The following SEMA6A variants were observed in gnomAD, a reference collection of about 807,000 sequenced individuals.
SEMA6A encodes the protein semaphorin-6A.
A neutral mutation model predicts 96.8 loss-of-function variants in SEMA6A; 25 were observed. The ratio of observed to expected loss-of-function variants is 0.26; its 90% CI spans 0.19 to 0.36. The LOEUF (loss-of-function observed/expected upper bound fraction) is 0.36. Ranked by LOEUF, SEMA6A falls within the 10% of genes least tolerant of loss-of-function variation. SEMA6A has a pLI of 1.00. For synonymous variants in SEMA6A, 612 were observed against 518.0 expected, an observed-to-expected ratio of 1.18 and a Z score of -2.46; for missense variants, 1,363 against 1,323.1, an observed-to-expected ratio of 1.03 and a Z score of -0.47.
intron 13 of SEMA6A, 170 bp downstream of exon 13, chr5:116,478,372 A>G (rs771651166): frequency 1.2e-6 from 1 of 807,172 alleles, no homozygotes; most frequent in Non-Finnish European, 1.9e-6. Context: ...ACACACACAC[A>G]CATTGGCAAG....
intron 1 of SEMA6A, chr5:116,554,711 A>G (rs2112891554): frequency 6.6e-6 from 1 of 152,304 alleles, no homozygotes; most frequent in East Asian, 1.9e-4. Flanking sequence ...ATACAAGCAT[A>G]TATACATATA....
At chr5:116,563,850 TA>T (rs1760917830) in intron 1 of SEMA6A, among the ~76,000 whole-genome samples, 3 of 152,324 alleles carry the variant, frequency 2.0e-5, no homozygotes, top group Admixed American at 1.3e-4. Context: ...CCCTGCCAAA[TA>T]ATCAGGGGTC....
rs186964282 is a variant in SEMA6A at position 116,447,165 on chromosome 5, G to T, written c.2541C>A (p.Ala847=). Residue 847 remains alanine (A), a synonymous_variant, in exon 19 of 19, where the codon GCC becomes GCA. Transcript: ENST00000343348. ...TGATGGTCTTATACTCCAGTGTGGCGGCCTGGTCCTCCAGCGCCATCTGGG... is the reference window on the plus strand; with the variant it reads ...TGATGGTCTTATACTCCAGTGTGGCTGCCTGGTCCTCCAGCGCCATCTGGG... ...EVAQMALEDQ[A]ATLEYKTIKE... is the part of the protein sequence containing the mutation. 3.7e-6 allele frequency: 6 copies of T among 1,613,902 alleles called. No homozygotes were observed. The highest frequency in any genetic ancestry group is 5.1e-6 in the Non-Finnish European group (6 of 1,179,910).
At chr5:116,495,609 G>C in intron 5 of SEMA6A, 95 bp from the exon 6 acceptor site, 4 of 884,142 alleles carry the variant, frequency 4.5e-6, no homozygotes, top group South Asian at 1.6e-5. Flanking sequence ...TAAGGTTAAA[G>C]TGGAGGTGGC....
chr5:116,573,531 C>T (rs1026071113), intron 1 of SEMA6A, among the ~76,000 whole-genome samples: 2 of 152,186 alleles, frequency 1.3e-5, no homozygotes, highest in African/African-American at 4.8e-5. Context: ...AGCCCGGAAC[C>T]TCTGGTGGCA....
intron 18 of SEMA6A, among the ~76,000 whole-genome samples, chr5:116,460,687 A>G (rs1254816250): frequency 6.6e-6 from 1 of 152,046 alleles, no homozygotes; most frequent in Non-Finnish European, 1.5e-5. Flanking sequence ...TTGCCTAGCA[A>G]CCCTACTCTT....
intron 1 of SEMA6A, among the ~76,000 whole-genome samples, chr5:116,510,475 G>C (rs1259149060): frequency 1.3e-5 from 2 of 152,156 alleles, no homozygotes; most frequent in African/African-American, 4.8e-5. Flanking sequence ...GGGACCTCTA[G>C]CAAGATGCTT....
At chr5:116,451,618 T>C (rs1754639709) in intron 18 of SEMA6A, among the ~76,000 whole-genome samples, 3 of 152,154 alleles carry the variant, frequency 2.0e-5, no homozygotes, top group Admixed American at 2.0e-4. Context: ...ACAGAGCTCT[T>C]AGTTGGGTAA....
chr5:116,555,417 G>C (rs254078), intron 1 of SEMA6A, among the ~76,000 whole-genome samples: 75,594 of 152,124 alleles, frequency 0.5, 21,208 homozygotes, highest in Middle Eastern at 0.68. Flanking sequence ...TGAAAGACAA[G>C]TGTTTAAACC....
chr5:116,445,534 A>G lies in SEMA6A; in HGVS notation c.*1079T>C, dbSNP rs1754123890. The G allele has an allele frequency of 6.6e-6, 1 of 152,636 alleles. No individual in the cohort carries two copies. The highest frequency in any genetic ancestry group is 2.4e-5 in the African/African-American group (1 of 41,470). 9.5% of individuals were successfully genotyped at this position (152,636 alleles called of 1,614,324 possible). ...AAAACCATGTTGGCATCAATGAGAT[A>G]TGATGTGCCATTCTAAAAGCTTTCT... On this transcript the variant is annotated 3_prime_UTR_variant, in exon 19 of 19. Transcript: ENST00000343348.
intron 1 of SEMA6A, among the ~76,000 whole-genome samples, chr5:116,572,701 C>G (rs1761272449): frequency 6.6e-6 from 1 of 152,226 alleles, no homozygotes; most frequent in Admixed American, 6.5e-5. Context: ...CATCCCTTCC[C>G]CGACTTGTCG....
intron 18 of SEMA6A, among the ~76,000 whole-genome samples, chr5:116,448,742 T>C (rs1350237939): frequency 1.6e-5 from 2 of 123,526 alleles, no homozygotes; most frequent in Non-Finnish European, 3.3e-5. Flanking sequence ...TGTGCTGATT[T>C]TGCATCACCT....
chr5:116,562,374 T>C (rs750711711), intron 1 of SEMA6A, among the ~76,000 whole-genome samples: 1 of 152,232 alleles, frequency 6.6e-6, no homozygotes, highest in Non-Finnish European at 1.5e-5. Flanking sequence ...AATTCATAAA[T>C]TGGCATTAAT....
intron 18 of SEMA6A, among the ~76,000 whole-genome samples, chr5:116,454,374 T>C (rs1383205685): frequency 6.6e-6 from 1 of 152,144 alleles, no homozygotes; most frequent in Admixed American, 6.5e-5. Flanking sequence ...GAAATCCTCA[T>C]AACAACTTGA....
chr5:116,525,235 G>A (rs1253018963), intron 1 of SEMA6A, among the ~76,000 whole-genome samples: 1 of 152,050 alleles, frequency 6.6e-6, no homozygotes, highest in African/African-American at 2.4e-5. Flanking sequence ...TATTCTAGTG[G>A]GCTTCCACCC....
chr5:116,515,361 G>C (rs1353529455), intron 1 of SEMA6A, among the ~76,000 whole-genome samples: 1 of 152,152 alleles, frequency 6.6e-6, no homozygotes, highest in African/African-American at 2.4e-5. Flanking sequence ...GGTGGGGGAA[G>C]CTCTGAAGTA....
rs72214884 is a variant in SEMA6A at position 116,536,866 on chromosome 5, T to TAAAAAAAAA, written c.-38-31893_-38-31885dup. On this transcript the variant is annotated intron_variant, in intron 1 of 18. Coordinates refer to ENST00000343348, the MANE Select transcript of SEMA6A (RefSeq NM_020796.5). ...TTTATTCAGTCCCCGTGTGATTTCT[T>TAAAAAAAAA]AAAAAAAAAAAAAAAAAAAAAAAAA... 4.5e-3 allele frequency among the ~76,000 whole-genome samples: 313 copies of TAAAAAAAAA among 69,450 alleles called. 7 individuals carry two copies. The highest frequency in any genetic ancestry group is 6.5e-3 in the African/African-American group (136 of 20,994). The allele number at this position is 69,450 out of a possible 152,430, so 45.6% of individuals were successfully genotyped here. A position where few individuals can be genotyped will look rare whatever the true frequency, so the allele number is the denominator to read the frequency against.
At chr5:116,493,968 A>G (rs750546653) in intron 6 of SEMA6A, among the ~76,000 whole-genome samples, 1 of 151,796 alleles carries the variant, frequency 6.6e-6, no homozygotes, top group Non-Finnish European at 1.5e-5. Context: ...CCCAACCCCA[A>G]TCTCACAACT....
chr5:116,511,604 G>A (rs914276038), intron 1 of SEMA6A, among the ~76,000 whole-genome samples: 4 of 152,230 alleles, frequency 2.6e-5, no homozygotes, highest in Non-Finnish European at 5.9e-5. Context: ...CGAAGTGGCT[G>A]AAAGTCCCTA....
Sources: allele counts gnomAD v4.1 joint callset (sites outside exome capture counted in the v4.1 genomes callset), GRCh38; gene constraint gnomAD v4.1.1; transcripts MANE v1.5; gene names NCBI Gene and HGNC (gene_info 2026-07-23, HGNC 2026-07-21).